The following SORCS3 variants were observed in gnomAD, a reference collection of about 807,000 sequenced individuals.
The protein encoded by SORCS3 is sortilin related VPS10 domain containing receptor 3.
A neutral mutation model predicts 146.3 loss-of-function variants in SORCS3; 57 were observed. That is an observed-to-expected ratio of 0.39 (90% confidence interval 0.31 to 0.49). The LOEUF (loss-of-function observed/expected upper bound fraction) is 0.49. Among genes scored for constraint, SORCS3 ranks in the 20% least tolerant of loss-of-function variants. The probability of loss-of-function intolerance (pLI) is 0.92; values close to 1 mark genes in which losing one functional copy is unlikely to be tolerated. For synonymous variants in SORCS3, 653 were observed against 618.5 expected, an observed-to-expected ratio of 1.06 and a Z score of -0.83; for missense variants, 1,341 against 1,575.5, an observed-to-expected ratio of 0.85 and a Z score of 2.52.
intron 13 of SORCS3, among the ~76,000 whole-genome samples, chr10:105,177,263 A>G (rs1490352164): frequency 1.3e-5 from 2 of 152,196 alleles, no homozygotes; most frequent in African/African-American, 4.8e-5. Context: ...ATGATAGAGG[A>G]TCCTATGATA....
At chr10:104,943,449 T>A (rs547012486) in intron 3 of SORCS3, among the ~76,000 whole-genome samples, 1 of 152,272 alleles carries the variant, frequency 6.6e-6, no homozygotes, top group South Asian at 2.1e-4. Context: ...GTTCTATGTA[T>A]AATAGCATCA....
At chr10:105,032,932 G>C (rs1392039026) in intron 4 of SORCS3, among the ~76,000 whole-genome samples, 2 of 152,140 alleles carry the variant, frequency 1.3e-5, no homozygotes, top group Non-Finnish European at 2.9e-5. Context: ...TCATCTCATG[G>C]AGGAGTATCA....
At chr10:104,647,696 A>G (rs548597510) in intron 1 of SORCS3, among the ~76,000 whole-genome samples, 65 of 152,350 alleles carry the variant, frequency 4.3e-4, no homozygotes, top group African/African-American at 1.5e-3. Context: ...AGGAGAGGAA[A>G]GAAGATCATT....
At chr10:104,656,873 G>T (rs2015638373) in intron 1 of SORCS3, among the ~76,000 whole-genome samples, 1 of 152,174 alleles carries the variant, frequency 6.6e-6, no homozygotes, top group Admixed American at 6.5e-5. Flanking sequence ...ATAAGAAGGA[G>T]TCCACTGAAG....
At chr10:104,797,626 G>T (rs988963463) in intron 1 of SORCS3, among the ~76,000 whole-genome samples, 1 of 152,078 alleles carries the variant, frequency 6.6e-6, no homozygotes, top group Admixed American at 6.5e-5. Context: ...AATGTCTAAG[G>T]TAGCTTTGGA....
intron 1 of SORCS3, among the ~76,000 whole-genome samples, chr10:104,652,882 A>G (rs2015580470): frequency 6.6e-6 from 1 of 152,238 alleles, no homozygotes. Context: ...CTGGACACCC[A>G]AGAAAACTTA....
intron 20 of SORCS3, among the ~76,000 whole-genome samples, chr10:105,226,064 A>T: frequency 6.6e-6 from 1 of 151,270 alleles, no homozygotes; most frequent in East Asian, 1.9e-4. Flanking sequence ...CTCTTGCCTG[A>T]TTACTCTGGT....
chr10:104,960,391 G>T (rs2054786863), intron 3 of SORCS3, among the ~76,000 whole-genome samples: 1 of 152,064 alleles, frequency 6.6e-6, no homozygotes, highest in Non-Finnish European at 1.5e-5. Context: ...ATAAGAAACA[G>T]GATTCATTTC....
intron 1 of SORCS3, among the ~76,000 whole-genome samples, chr10:104,723,729 G>A (rs1402738979): frequency 6.6e-6 from 1 of 152,056 alleles, no homozygotes; most frequent in East Asian, 1.9e-4. Flanking sequence ...TTTCCATTGT[G>A]TAATGACCTT....
intron 1 of SORCS3, among the ~76,000 whole-genome samples, chr10:104,823,094 C>T (rs1208823028): frequency 6.6e-6 from 1 of 152,236 alleles, no homozygotes; most frequent in South Asian, 2.1e-4. Context: ...AGGAAAGGAG[C>T]CTCTCCAAAG....
At chr10:104,751,453 G>C (rs2016982297) in intron 1 of SORCS3, among the ~76,000 whole-genome samples, 1 of 152,170 alleles carries the variant, frequency 6.6e-6, no homozygotes, top group African/African-American at 2.4e-5. Context: ...AAGTCAGGGA[G>C]ACTAGTTAGG....
At chr10:105,235,190 A>T (rs2056786316) in intron 20 of SORCS3, among the ~76,000 whole-genome samples, 1 of 152,088 alleles carries the variant, frequency 6.6e-6, no homozygotes, top group Non-Finnish European at 1.5e-5. Flanking sequence ...CCCGTAGCTT[A>T]GTTGGACTAT....
At chr10:105,105,591 G>C in intron 7 of SORCS3, 76 bp downstream of exon 7, 1 of 1,012,204 alleles carries the variant, frequency 9.9e-7, no homozygotes, top group South Asian at 1.3e-5. Flanking sequence ...AAGGAGGGTG[G>C]CTTTCCCAAG....
Position 105,223,203 on chromosome 10 carries a change from A to C in SORCS3, c.2822A>C (p.Gln941Pro), listed in dbSNP as rs111543901. ...VNISAVVWPSQLGTLTYFWWF... is the reference protein window; with the variant it reads ...VNISAVVWPSPLGTLTYFWWF... ...ATCAGTGCAGTCGTGTGGCCCAGTC[A>C]ACTGGGGACCCTTACCTATTTCTGG... Residue 941 changes from glutamine (Q) to proline (P), a missense_variant, in exon 20 of 27, where the codon CAA becomes CCA. Transcript: ENST00000369701. 6.2e-7 allele frequency: 1 copy of C among 1,613,336 alleles called. No individual in the cohort carries two copies. The highest frequency in any genetic ancestry group is 1.7e-5 in the Admixed American group (1 of 60,002).
intron 6 of SORCS3, among the ~76,000 whole-genome samples, chr10:105,095,568 A>G (rs1044136945): frequency 9.9e-5 from 15 of 151,420 alleles, no homozygotes; most frequent in Non-Finnish European, 1.2e-4. Context: ...GAAATGAATG[A>G]CTCTCCAAGC....
At chr10:104,835,293 AG>A (rs1414021252) in intron 1 of SORCS3, among the ~76,000 whole-genome samples, 1 of 152,180 alleles carries the variant, frequency 6.6e-6, no homozygotes, top group Non-Finnish European at 1.5e-5. Context: ...TGTATGTTTT[AG>A]CAACTTTCTT....
intron 3 of SORCS3, among the ~76,000 whole-genome samples, chr10:104,974,120 G>T (rs2054878984): frequency 1.3e-5 from 2 of 152,142 alleles, no homozygotes; most frequent in African/African-American, 2.4e-5. Flanking sequence ...TTCCCACTAT[G>T]TGGTCAATTT....
intron 1 of SORCS3, among the ~76,000 whole-genome samples, chr10:104,761,197 C>G (rs1300636046): frequency 6.6e-6 from 1 of 152,150 alleles, no homozygotes. Context: ...TCTGTTTTTT[C>G]TCCTTCCTAA....
intron 1 of SORCS3, among the ~76,000 whole-genome samples, chr10:104,719,313 A>G (rs1024845397): frequency 6.6e-6 from 1 of 152,052 alleles, no homozygotes; most frequent in Admixed American, 6.5e-5. Flanking sequence ...CTTGTCCTTC[A>G]TGCTTCAGTG....
Sources: gnomAD v4.1 joint callset for allele counts (sites outside exome capture counted in the v4.1 genomes callset) on GRCh38, gnomAD v4.1.1 for gene constraint, MANE v1.5 for transcripts, NCBI Gene and HGNC (gene_info 2026-07-23, HGNC 2026-07-21) for gene names.